GRM1: variants seen among roughly 807,000 people sequenced by gnomAD.
The protein encoded by GRM1 is glutamate metabotropic receptor 1, also known as metabotropic glutamate receptor 1.
Under a neutral mutation model 90.9 loss-of-function variants are expected in GRM1, and 33 were observed. The ratio of observed to expected loss-of-function variants is 0.36; its 90% CI spans 0.28 to 0.49. The LOEUF (loss-of-function observed/expected upper bound fraction) is 0.49, where lower values mean the gene tolerates loss of function less well. Ranked by LOEUF, GRM1 falls within the 20% of genes least tolerant of loss-of-function variation. The pLI, the probability that GRM1 is intolerant of heterozygous loss-of-function variation, is 0.99. For synonymous variants in GRM1, 700 were observed against 613.2 expected, an observed-to-expected ratio of 1.14 and a Z score of -2.09; for missense variants, 1,190 against 1,534.3, an observed-to-expected ratio of 0.78 and a Z score of 3.75.
intron 5 of GRM1, among the ~76,000 whole-genome samples, chr6:146,379,281 G>A (rs954607479): frequency 1.3e-5 from 2 of 150,318 alleles, no homozygotes; most frequent in Non-Finnish European, 2.9e-5. Flanking sequence ...TTATTCTTTT[G>A]TCTCCTCTGA....
Position 146,244,643 on chromosome 6 carries a change from AG to A in GRM1, c.951-59967del, listed in dbSNP as rs751097396. The stretch of plus-strand genomic sequence containing the variant: ...TTTGGGGTAGCCTACGAATCAGACC[AG>A]TACTGATAAATTCTTATAGATATAT... On this transcript the variant is annotated intron_variant, in intron 2 of 7. Transcript: ENST00000282753. 9.2e-5 allele frequency among the ~76,000 whole-genome samples: 14 copies of A among 152,218 alleles called. No individual in the cohort carries two copies. In the East Asian group the frequency reaches 9.6e-4, roughly 10 times the overall value.
chr6:146,405,442 C>T (rs1308208986), intron 7 of GRM1, among the ~76,000 whole-genome samples: 1 of 152,160 alleles, frequency 6.6e-6, no homozygotes, highest in Admixed American at 6.5e-5. Flanking sequence ...ACCAAGGAGA[C>T]CTTGTATTAA....
intron 2 of GRM1, among the ~76,000 whole-genome samples, chr6:146,273,530 TG>T (rs1211386732): frequency 6.6e-6 from 1 of 152,232 alleles, no homozygotes; most frequent in Non-Finnish European, 1.5e-5. Flanking sequence ...TTTTGAAATC[TG>T]GCCATGTTTT....
intron 2 of GRM1, among the ~76,000 whole-genome samples, chr6:146,261,124 A>G (rs545844339): frequency 2.6e-5 from 4 of 152,194 alleles, no homozygotes; most frequent in South Asian, 4.2e-4. Context: ...GTGAGTGAGG[A>G]GTCAGCAAGG....
intron 5 of GRM1, among the ~76,000 whole-genome samples, chr6:146,380,437 A>T (rs1776279635): frequency 6.6e-6 from 1 of 151,688 alleles, no homozygotes; most frequent in African/African-American, 2.4e-5. Flanking sequence ...CCCAGGCCAT[A>T]AGGAGTACTG....
chr6:146,406,997 G>A (rs990242390), intron 7 of GRM1, among the ~76,000 whole-genome samples: 2 of 152,140 alleles, frequency 1.3e-5, no homozygotes, highest in African/African-American at 4.8e-5. Flanking sequence ...CATCCCTGAC[G>A]GGTCATAGTG....
intron 2 of GRM1, among the ~76,000 whole-genome samples, chr6:146,267,702 G>GT (rs1781965089): frequency 7.0e-5 from 6 of 86,118 alleles, no homozygotes; most frequent in Admixed American, 1.4e-4. Context: ...GCTCGGCTCG[G>GT]CTCGTCTCGT....
At chr6:146,413,456 A>C (rs927056794) in intron 7 of GRM1, among the ~76,000 whole-genome samples, 4 of 152,098 alleles carry the variant, frequency 2.6e-5, no homozygotes, top group Non-Finnish European at 5.9e-5. Context: ...TACAGTCTTC[A>C]GCATTTCTTT....
chr6:146,148,786 GTA>G (rs1777207757), intron 1 of GRM1, among the ~76,000 whole-genome samples: 2 of 152,074 alleles, frequency 1.3e-5, no homozygotes, highest in South Asian at 4.1e-4. Context: ...TCATTAACAA[GTA>G]TATATAGTTT....
At chr6:146,036,105 A>G (rs1036546421) in intron 1 of GRM1, among the ~76,000 whole-genome samples, 1 of 151,950 alleles carries the variant, frequency 6.6e-6, no homozygotes, top group African/African-American at 2.4e-5. Context: ...TGCCCTTATG[A>G]TATAGGGAGC....
chr6:146,361,049 C>T (rs1775448116), intron 5 of GRM1, among the ~76,000 whole-genome samples: 1 of 152,182 alleles, frequency 6.6e-6, no homozygotes, highest in African/African-American at 2.4e-5. Context: ...AAAGTTTATG[C>T]TCACAGGAAG....
At chr6:146,213,312 G>A (rs981653662) in intron 2 of GRM1, among the ~76,000 whole-genome samples, 6 of 151,980 alleles carry the variant, frequency 3.9e-5, no homozygotes, top group South Asian at 2.1e-4. Flanking sequence ...GGTGGGGGGC[G>A]GTAAGTAAAG....
chr6:146,162,837 AAAACG>A (rs35799439), intron 2 of GRM1, among the ~76,000 whole-genome samples: 37,455 of 151,734 alleles, frequency 0.25, 8,038 homozygotes, highest in African/African-American at 0.59. Flanking sequence ...AAAACAAAAC[AAAACG>A]TGGACTAAGA....
intron 2 of GRM1, among the ~76,000 whole-genome samples, chr6:146,184,210 CAG>C (rs1219927502): frequency 7.2e-5 from 11 of 152,074 alleles, no homozygotes; most frequent in African/African-American, 2.7e-4. Flanking sequence ...TTGAAAAAGA[CAG>C]AGGGGGAGAT....
chr6:146,102,249 A>C (rs1355763583), intron 1 of GRM1, among the ~76,000 whole-genome samples: 1 of 152,028 alleles, frequency 6.6e-6, no homozygotes, highest in East Asian at 1.9e-4. Flanking sequence ...TGCTTATATG[A>C]TATCCTCTCC....
chr6:146,286,866 A>G (rs1200220074), intron 2 of GRM1, among the ~76,000 whole-genome samples: 1 of 152,238 alleles, frequency 6.6e-6, no homozygotes. Flanking sequence ...TTTTTATGAA[A>G]TAGTAAACAA....
intron 1 of GRM1, among the ~76,000 whole-genome samples, chr6:146,094,793 C>T (rs1776823244): frequency 6.6e-6 from 1 of 152,024 alleles, no homozygotes; most frequent in Non-Finnish European, 1.5e-5. Flanking sequence ...ACTAAACTCT[C>T]AAATCCCAGA....
chr6:146,412,277 G>A (rs534266791), intron 7 of GRM1, among the ~76,000 whole-genome samples: 1 of 152,254 alleles, frequency 6.6e-6, no homozygotes, highest in South Asian at 2.1e-4. Context: ...TCTTTCAGGG[G>A]CAGACAAAAA....
chr6:146,369,767 G>A (rs910083717), intron 5 of GRM1, among the ~76,000 whole-genome samples: 1 of 151,978 alleles, frequency 6.6e-6, no homozygotes, highest in South Asian at 2.1e-4. Context: ...AATGTTAGAT[G>A]TACTGCTCGT....
Sources: gnomAD v4.1 joint callset for allele counts (sites outside exome capture counted in the v4.1 genomes callset) on GRCh38, gnomAD v4.1.1 for gene constraint, MANE v1.5 for transcripts, NCBI Gene and HGNC (gene_info 2026-07-23, HGNC 2026-07-21) for gene names.